WWOX: variants seen among roughly 807,000 people sequenced by gnomAD.
WWOX encodes WW domain-containing oxidoreductase.
A neutral mutation model predicts 46.2 loss-of-function variants in WWOX; 69 were observed. That is an observed-to-expected ratio of 1.49 (90% CI 1.23 to 1.82). The LOEUF is 1.82. Among genes scored for constraint, WWOX ranks in the 40% most tolerant of loss-of-function variants. The pLI, the probability that WWOX is intolerant of heterozygous loss-of-function variation, is 0.00. For missense variants in WWOX, 919 were observed against 542.6 expected (o/e 1.69, Z -6.89); for synonymous variants, 359 against 202.6 (o/e 1.77, Z -6.56).
intron 5 of WWOX, among the ~76,000 whole-genome samples, chr16:78,361,363 C>T (rs79114218): frequency 0.036 from 5,486 of 152,150 alleles, 311 homozygotes; most frequent in African/African-American, 0.12. Context: ...CTGAGTTTTT[C>T]CAATGTAATG....
chr16:78,949,540 A>T (rs1471866964), intron 8 of WWOX, among the ~76,000 whole-genome samples: 2 of 152,130 alleles, frequency 1.3e-5, no homozygotes, highest in Non-Finnish European at 2.9e-5. Context: ...CAGCCTAATT[A>T]TTGCTTTTGA....
intron 8 of WWOX, among the ~76,000 whole-genome samples, chr16:78,838,974 A>G (rs192320803): frequency 6.6e-6 from 1 of 152,256 alleles, no homozygotes; most frequent in Admixed American, 6.5e-5. Flanking sequence ...ATAGATGGAA[A>G]TGTTCTGCAT....
At chr16:78,405,019 A>G (rs73571042) in intron 6 of WWOX, among the ~76,000 whole-genome samples, 2,966 of 152,282 alleles carry the variant, frequency 0.019, 92 homozygotes, top group African/African-American at 0.067. Context: ...ATGTACTTCT[A>G]TTTTACATTT....
intron 8 of WWOX, among the ~76,000 whole-genome samples, chr16:78,696,510 G>A (rs945011134): frequency 1.3e-5 from 2 of 152,046 alleles, no homozygotes; most frequent in Non-Finnish European, 2.9e-5. Context: ...TACGTGGTAG[G>A]ATACTCTCTC....
intron 5 of WWOX, among the ~76,000 whole-genome samples, chr16:78,300,125 T>C (rs1365955233): frequency 6.6e-6 from 1 of 152,178 alleles, no homozygotes; most frequent in Non-Finnish European, 1.5e-5. Flanking sequence ...TCCAACAGAA[T>C]CATGAAGTCT....
intron 8 of WWOX, among the ~76,000 whole-genome samples, chr16:78,690,684 TC>T (rs969927112): frequency 1.3e-5 from 2 of 152,210 alleles, no homozygotes; most frequent in African/African-American, 4.8e-5. Context: ...CTTTGTCTTG[TC>T]CCTCCATCTG....
At chr16:78,925,543 T>G (rs1252421393) in intron 8 of WWOX, among the ~76,000 whole-genome samples, 1 of 152,234 alleles carries the variant, frequency 6.6e-6, no homozygotes, top group Non-Finnish European at 1.5e-5. Context: ...TCTGCTTCTT[T>G]CCACTAGGGA....
At chr16:78,791,785 C>A (rs781017860) in intron 8 of WWOX, among the ~76,000 whole-genome samples, 1 of 151,950 alleles carries the variant, frequency 6.6e-6, no homozygotes, top group Non-Finnish European at 1.5e-5. Context: ...AAGGCTGAGG[C>A]GGGAGAATCA....
chr16:78,669,531 C>G (rs1263852988), intron 8 of WWOX, among the ~76,000 whole-genome samples: 1 of 152,186 alleles, frequency 6.6e-6, no homozygotes, highest in Admixed American at 6.5e-5. Flanking sequence ...TAGGACAGTA[C>G]CTACCACAAA....
intron 8 of WWOX, among the ~76,000 whole-genome samples, chr16:78,794,342 C>T (rs1046694143): frequency 6.6e-6 from 1 of 152,136 alleles, no homozygotes; most frequent in Admixed American, 6.5e-5. Flanking sequence ...AGGAGTCTCT[C>T]TCGGTCTGTT....
At chr16:78,776,727 C>G (rs188167218) in intron 8 of WWOX, among the ~76,000 whole-genome samples, 2 of 152,122 alleles carry the variant, frequency 1.3e-5, no homozygotes, top group Admixed American at 6.5e-5. Flanking sequence ...AGAAAACTTA[C>G]GATCATGGTG....
At chr16:78,384,828 C>T (rs1165645454) in intron 5 of WWOX, among the ~76,000 whole-genome samples, 2 of 152,144 alleles carry the variant, frequency 1.3e-5, no homozygotes, top group African/African-American at 2.4e-5. Context: ...TCACTTTCTA[C>T]CACCTTTCCT....
intron 5 of WWOX, among the ~76,000 whole-genome samples, chr16:78,223,844 C>G (rs1372714359): frequency 6.6e-6 from 1 of 152,142 alleles, no homozygotes; most frequent in Admixed American, 6.5e-5. Context: ...ATTTACATGT[C>G]AAGACTATAT....
At chr16:78,423,445 A>G (rs1597213411) in intron 6 of WWOX, among the ~76,000 whole-genome samples, 1 of 152,286 alleles carries the variant, frequency 6.6e-6, no homozygotes, top group Middle Eastern at 3.4e-3. Context: ...CACCGTGGAT[A>G]GCCTTGTATA....
chr16:79,169,050 T>C (rs1353483553), intron 8 of WWOX, among the ~76,000 whole-genome samples: 1 of 152,182 alleles, frequency 6.6e-6, no homozygotes, highest in African/African-American at 2.4e-5. Context: ...AGATACAAAT[T>C]AATACGGGCA....
chr16:78,962,320 TTTTTTTAA>T (rs1401538360), intron 8 of WWOX, among the ~76,000 whole-genome samples: 2 of 92,978 alleles, frequency 2.2e-5, no homozygotes, highest in African/African-American at 9.6e-5. Context: ...TTTTTTTTTT[TTTTTTTAA>T]AAAAAAAAAA....
chr16:78,530,297 C>T (rs1053368403), intron 8 of WWOX, among the ~76,000 whole-genome samples: 1 of 152,154 alleles, frequency 6.6e-6, no homozygotes, highest in Non-Finnish European at 1.5e-5. Context: ...GCCTTTTGCA[C>T]CCACATCTGG....
intron 8 of WWOX, among the ~76,000 whole-genome samples, chr16:78,940,592 C>G (rs903295616): frequency 3.3e-5 from 5 of 151,956 alleles, no homozygotes; most frequent in Non-Finnish European, 7.4e-5. Flanking sequence ...TAGGTTTTCT[C>G]AAATGCTCTA....
intron 8 of WWOX, among the ~76,000 whole-genome samples, chr16:78,628,845 G>C (rs909564524): frequency 2.6e-4 from 40 of 152,288 alleles, no homozygotes; most frequent in Middle Eastern, 3.4e-3. Context: ...GGTTTCGTGA[G>C]GGATTAAGAG....
Sources: allele counts gnomAD v4.1 joint callset (sites outside exome capture counted in the v4.1 genomes callset), GRCh38; gene constraint gnomAD v4.1.1; transcripts MANE v1.5; gene names NCBI Gene and HGNC (gene_info 2026-07-23, HGNC 2026-07-21).